The following ZNF534 variants were observed in gnomAD, a reference collection of about 807,000 sequenced individuals.
The protein encoded by ZNF534 is zinc finger protein 534, also known as KRAB domain only 3.
Under a neutral mutation model 13.6 loss-of-function variants are expected in ZNF534, and 19 were observed. That is an observed-to-expected ratio of 1.40 (90% CI 0.97 to 2.05). The LOEUF is 2.05. Ranked by LOEUF, ZNF534 falls within the 30% of genes most tolerant of loss-of-function variation. The pLI is 0.00. For missense variants in ZNF534, 782 were observed against 796.3 expected, an observed-to-expected ratio of 0.98 and a Z score of 0.22; for synonymous variants, 244 against 273.8, an observed-to-expected ratio of 0.89 and a Z score of 1.07.
In ZNF534 at chr19:52,435,202, G is replaced by A. The variant is rs1336077178; in HGVS notation, c.264G>A (p.Val88=). 4 of 1,610,790 alleles carry A rather than the reference G, an allele frequency of 2.5e-6. No individual in the cohort carries two copies. Among genetic ancestry groups the A allele is most frequent in the Non-Finnish European group, 3.4e-6 (4 of 1,178,510 alleles). ...ATGGCAGGGAGTGCATCAAAGGTGT[G>A]AACACAGGTGAGAGCTCAGGTGGGC... The part of the protein sequence containing the change: ...NPDGRECIKG[V]NTEKSSKLGS... The change falls in exon 4 of 5, where the codon GTG becomes GTA. Residue 88 remains valine, a synonymous_variant. Transcript: ENST00000433050.
In ZNF534 at chr19:52,439,647, T is replaced by G. The variant is rs1358747308; in HGVS notation, c.*201T>G. ...GGTGGCAGGCACCTGTAGTCCCAGC[T>G]ACTCAGGAGGCTGAGGCAGGAGGAT... On this transcript the variant is annotated 3_prime_UTR_variant, in exon 5 of 5. Transcript: ENST00000433050. Among the ~76,000 whole-genome samples the G allele has an allele frequency of 6.6e-6, 1 of 150,644 alleles. No homozygotes were observed. The highest frequency in any genetic ancestry group is 1.5e-5 in the Non-Finnish European group (1 of 67,884).
chr19:52,433,610 A>C (rs373981795), intron 2 of ZNF534, among the ~76,000 whole-genome samples: 2,289 of 152,056 alleles, frequency 0.015, 28 homozygotes, highest in Non-Finnish European at 0.022. Context: ...TCGTGATCCG[A>C]CCGCCTTGGC....
chr19:52,450,431 T>C (rs1357536309), intron 4 of ZNF534, among the ~76,000 whole-genome samples: 1 of 152,140 alleles, frequency 6.6e-6, no homozygotes. Flanking sequence ...CTGTCTTTTT[T>C]CCCAATGTAT....
chr19:52,451,270 C>T (rs1414282854), exon 5 of ZNF534: 1 of 969,398 alleles, frequency 1.0e-6, no homozygotes. Context: ...GCCAACCGGC[C>T]CAAACTTTGT....
rs2059172831 is a variant in ZNF534, at chr19:52,441,550, A to C, written c.*2104A>C. Among the ~76,000 whole-genome samples the C allele has an allele frequency of 6.6e-6, 1 of 152,224 alleles. No homozygotes were observed. The highest frequency in any genetic ancestry group is 6.5e-5 in the Admixed American group (1 of 15,284). On this transcript the variant is annotated 3_prime_UTR_variant, in exon 5 of 5. Transcript: ENST00000433050. Reference sequence around the variant, plus strand: ...CAAACAATGTGAAACGTCTTCAGTCACAAGTATTCCCTAACAAATCACTAT... The same window carrying C: ...CAAACAATGTGAAACGTCTTCAGTCCCAAGTATTCCCTAACAAATCACTAT...
Position 52,441,618 on chromosome 19 carries a change from G to A in ZNF534, c.*2172G>A, listed in dbSNP as rs1445418621. Among the ~76,000 whole-genome samples the A allele has an allele frequency of 6.6e-6, 1 of 152,198 alleles. No homozygotes were observed. The highest frequency in any genetic ancestry group is 1.5e-5 in the Non-Finnish European group (1 of 68,038). On this transcript the variant is annotated 3_prime_UTR_variant, in exon 5 of 5. Transcript: ENST00000433050. ...GAAGCCTTACAAATGCAGCGAATGT[G>A]ACAAAGCATTTAGATAATGTTCAGG...
chr19:52,433,790 T>C (rs1195218617), intron 2 of ZNF534, 165 bp from the exon 3 acceptor site: 7 of 772,642 alleles, frequency 9.1e-6, no homozygotes, highest in Non-Finnish European at 1.6e-5. Flanking sequence ...TGGAAAAGTA[T>C]AATAAAACAC....
At position 52,438,767 on chromosome 19, in the gene ZNF534, A is replaced by G; in HGVS notation, c.1307A>G (p.Lys436Arg). Reference sequence around the variant, plus strand: ...CATCTTCTAATCCATACTGGAGAGAAACCTTACGAATGTATAGACTGTGGC... The same window carrying G: ...CATCTTCTAATCCATACTGGAGAGAGACCTTACGAATGTATAGACTGTGGC... The part of the protein sequence containing the change: ...TAHLLIHTGE[K>R]PYECIDCGKV... The change falls in exon 5 of 5, where the codon AAA (lysine) becomes AGA (arginine). Residue 436 changes from lysine (K) to arginine (R), a missense_variant. Physicochemically the swap from Lys to Arg is conservative, Grantham distance 26. Transcript: ENST00000433050. 6.2e-7 allele frequency: 1 copy of G among 1,605,338 alleles called. No homozygotes were observed. The highest frequency in any genetic ancestry group is 8.5e-7 in the Non-Finnish European group (1 of 1,175,428).
At chr19:52,434,704 C>T (rs1213455276) in intron 3 of ZNF534, among the ~76,000 whole-genome samples, 33 of 147,178 alleles carry the variant, frequency 2.2e-4, no homozygotes, top group Non-Finnish European at 8.9e-5. Context: ...GCACTCAAGC[C>T]TGGGCAACAG....
rs149090673 is a variant in ZNF534, at chr19:52,433,568, G to A, written c.16-387G>A. On this transcript the variant is annotated intron_variant, in intron 2 of 4. Coordinates refer to ENST00000433050, the MANE Select transcript of ZNF534 (RefSeq NM_001143938.3). ...TTTTTAGTAGAGATGGGGTTTCACC[G>A]TGTTGGCCAAGATGGTCTTGATCTC... is the stretch of plus-strand genomic sequence containing the variant. 7.7e-3 allele frequency among the ~76,000 whole-genome samples: 1,168 copies of A among 152,202 alleles called. 12 individuals are homozygous for A. Among genetic ancestry groups the A allele is most frequent in the African/African-American group, 0.024 (991 of 41,542 alleles).
downstream of ZNF534, among the ~76,000 whole-genome samples, chr19:52,446,916 T>C (rs1757598806): frequency 6.6e-6 from 1 of 152,190 alleles, no homozygotes; most frequent in South Asian, 2.1e-4. Flanking sequence ...CTAATATAGA[T>C]CTGCAATGCT....
chr19:52,438,345 G>A lies in ZNF534; in HGVS notation c.885G>A (p.Glu295=). 1 of 1,613,356 alleles carries A rather than the reference G, an allele frequency of 6.2e-7. No individual in the cohort carries two copies. The highest frequency in any genetic ancestry group is 8.5e-7 in the Non-Finnish European group (1 of 1,179,436). The change falls in exon 5 of 5, where the codon GAG becomes GAA. Residue 295 remains glutamate (E), a synonymous_variant. Transcript: ENST00000433050. ...LAQHRKIHTG[E]KPYKCSECGK... The stretch of plus-strand genomic sequence containing the variant: ...AGCATAGGAAAATTCATACTGGAGA[G>A]AAGCCTTACAAATGTAGTGAATGTG...
chr19:52,429,392 AG>A (rs1474038111), intron 1 of ZNF534, 148 bp downstream of exon 1: 65 of 152,268 alleles, frequency 4.3e-4, no homozygotes, highest in African/African-American at 1.5e-3. Context: ...GAGAGTCTGG[AG>A]GTCGCTTACC....
downstream of ZNF534, among the ~76,000 whole-genome samples, chr19:52,445,346 GCCAC>G (rs1283343662): frequency 6.6e-6 from 1 of 152,014 alleles, no homozygotes; most frequent in African/African-American, 2.4e-5. Context: ...ACAAGCACAT[GCCAC>G]CATGCCTGGC....
intron 1 of ZNF534, among the ~76,000 whole-genome samples, chr19:52,430,594 AG>A (rs1299022093): frequency 1.3e-4 from 19 of 150,694 alleles, no homozygotes; most frequent in Admixed American, 4.6e-4. Context: ...TCTGTCACCC[AG>A]GCTGGAGTGC....
In ZNF534 at chr19:52,441,969, T is replaced by A. The variant is rs2059175742; in HGVS notation, c.*2523T>A. 6.6e-6 allele frequency among the ~76,000 whole-genome samples: 1 copy of A among 152,184 alleles called. No individual in the cohort carries two copies. The highest frequency in any genetic ancestry group is 2.4e-5 in the African/African-American group (1 of 41,450). On this transcript the variant is annotated 3_prime_UTR_variant, in exon 5 of 5. Coordinates refer to ENST00000433050, the MANE Select transcript of ZNF534 (RefSeq NM_001143938.3). ...TTTAGCATTAATGAACATCAGAGGT[T>A]CCATACTAAGGAGAAATCATATAAA...
chr19:52,438,014 C>T lies in ZNF534; in HGVS notation c.554C>T (p.Pro185Leu). ...CAGAAAGTACACATTAGGGAAAAGC[C>T]TTATGGATGTAATGAGCATGGGAAA... ...QEQKVHIREK[P>L]YGCNEHGKVF... is the part of the protein sequence containing the mutation. The change falls in exon 5 of 5, where the codon CCT becomes CTT. Residue 185 changes from proline to leucine, a missense_variant. By Grantham distance (98) the Pro-to-Leu change is moderately conservative. Coordinates refer to ENST00000433050, the MANE Select transcript of ZNF534 (RefSeq NM_001143938.3). 1 of 1,614,072 alleles carries T rather than the reference C, an allele frequency of 6.2e-7. No homozygotes were observed. Among genetic ancestry groups the T allele is most frequent in the Non-Finnish European group, 8.5e-7 (1 of 1,180,024 alleles).
In ZNF534 at chr19:52,433,955, G is replaced by A; in HGVS notation, c.16G>A (p.Gly6Arg). 6.2e-7 allele frequency: 1 copy of A among 1,613,716 alleles called. No homozygotes were observed. The highest frequency in any genetic ancestry group is 8.5e-7 in the Non-Finnish European group (1 of 1,179,804). The change falls in exon 3 of 5, where the codon GGG becomes AGG. Residue 6 changes from glycine to arginine, a missense_variant and splice_region_variant. Around this residue, in one of 5 missense-constraint regions of ZNF534, gnomAD observed 81 missense variants for 63.5 expected, o/e 1.28. Coordinates refer to ENST00000433050, the MANE Select transcript of ZNF534 (RefSeq NM_001143938.3). ...TTTTGAAATGTGGATTTCCTTTTAGGGGCAATTGTCATTCAGCGATGTGGC... is the reference window on the plus strand; with the variant it reads ...TTTTGAAATGTGGATTTCCTTTTAGAGGCAATTGTCATTCAGCGATGTGGC... MALTQ[G>R]QLSFSDVAIE... is the part of the protein sequence containing the mutation.
At chr19:52,432,237 G>A (rs2059092642) in intron 2 of ZNF534, among the ~76,000 whole-genome samples, 2 of 151,990 alleles carry the variant, frequency 1.3e-5, no homozygotes, top group Non-Finnish European at 2.9e-5. Context: ...TTATATATAT[G>A]CATATATAAT....
Sources: allele counts gnomAD v4.1 joint callset (sites outside exome capture counted in the v4.1 genomes callset), GRCh38; gene constraint gnomAD v4.1.1; regional missense constraint gnomAD v4.1.1; transcripts MANE v1.5; gene names NCBI Gene and HGNC (gene_info 2026-07-23, HGNC 2026-07-21).